Variants in RELB observed in about 807,000 individuals in gnomAD.
The protein encoded by RELB is transcription factor RelB.
In RELB, 14 loss-of-function variants were observed where a neutral mutation model predicts 55.4. The observed-to-expected ratio is 0.25, with a 90% confidence interval of 0.17 to 0.40. The LOEUF (loss-of-function observed/expected upper bound fraction) is 0.40, where lower values mean the gene tolerates loss of function less well. Among genes scored for constraint, RELB ranks in the 10% least tolerant of loss-of-function variants. The pLI, the probability that RELB is intolerant of heterozygous loss-of-function variation, is 1.00. For synonymous variants in RELB, 409 were observed against 371.3 expected (o/e 1.10, Z -1.17); for missense variants, 669 against 830.7 (o/e 0.81, Z 2.39).
In RELB at chr19:45,032,741, G is replaced by A. The variant is rs775189147; in HGVS notation, c.1199G>A (p.Arg400His). ...CCATTGCCTTTCACGTACCTGCCTC[G>A]CGACCATGGTAACTACAGCAACCCA... ...SEPLPFTYLP[R>H]DHDSYGVDKK... Residue 400 changes from arginine to histidine, a missense_variant, in exon 9 of 12, where the codon CGC becomes CAC. Around this residue, in one of 3 missense-constraint regions of RELB, gnomAD observed 341 missense variants for 436.8 expected, o/e 0.78. Coordinates refer to ENST00000221452, the MANE Select transcript of RELB (RefSeq NM_006509.4). 41 of 1,604,060 alleles carry A rather than the reference G, an allele frequency of 2.6e-5. No individual in the cohort carries two copies. The highest frequency in any genetic ancestry group is 3.0e-5 in the Non-Finnish European group (35 of 1,175,362).
At chr19:45,026,642 G>T (rs1444607325) in intron 7 of RELB, among the ~76,000 whole-genome samples, 1 of 152,144 alleles carries the variant, frequency 6.6e-6, no homozygotes, top group East Asian at 1.9e-4. Context: ...AAGGGAAGAG[G>T]CAGCATAAGT....
chr19:45,034,308 C>T lies in RELB; in HGVS notation c.1272C>T (p.Ser424=). 1 of 1,613,786 alleles carries T rather than the reference C, an allele frequency of 6.2e-7. No individual in the cohort carries two copies. ...CCGACGTCCTTGGGGAGCTGAACAGCTCTGGTGTGTGCCCTCTGCCCCTTT... is the reference window on the plus strand; with the variant it reads ...CCGACGTCCTTGGGGAGCTGAACAGTTCTGGTGTGTGCCCTCTGCCCCTTT... ...GMPDVLGELN[S]SDPHGIESKR... The change falls in exon 10 of 12, where the codon AGC becomes AGT. Residue 424 remains serine, a synonymous_variant. Coordinates refer to ENST00000221452, the MANE Select transcript of RELB (RefSeq NM_006509.4).
intron 5 of RELB, among the ~76,000 whole-genome samples, chr19:45,024,725 T>C: frequency 6.6e-6 from 1 of 151,572 alleles, no homozygotes; most frequent in Non-Finnish European, 1.5e-5. Context: ...AATTTTTGTA[T>C]TTTTAGTAGA....
intron 1 of RELB, 109 bp downstream of exon 1, chr19:45,001,794 G>T (rs554946000): frequency 3.1e-4 from 196 of 642,140 alleles, no homozygotes; most frequent in Non-Finnish European, 4.7e-4. Flanking sequence ...TAAGGGTTTC[G>T]CGGGGGCAGA....
intron 4 of RELB, among the ~76,000 whole-genome samples, chr19:45,016,164 T>C (rs1211596919): frequency 6.6e-6 from 1 of 152,038 alleles, no homozygotes; most frequent in African/African-American, 2.4e-5. Flanking sequence ...TTTGTGTTTT[T>C]AGTAGAGACG....
chr19:45,003,066 GTC>G lies in RELB; in HGVS notation c.154+74_154+75del. 1.7e-5 allele frequency: 25 copies of G among 1,444,532 alleles called. No homozygotes were observed. The South Asian group carries it at 2.5e-4, about 15-fold the overall frequency. 89.5% of individuals were successfully genotyped at this position (1,444,532 alleles called of 1,614,324 possible). A position where few individuals can be genotyped will look rare whatever the true frequency, so the allele number is the denominator to read the frequency against. ...GAGGTTGGGAGGACTCCACAGAGATGTCTCTGTTTGGGGGTTCACGAGGTCCA... is the reference window on the plus strand; with the variant it reads ...GAGGTTGGGAGGACTCCACAGAGATGTCTGTTTGGGGGTTCACGAGGTCCA... On this transcript the variant is annotated intron_variant, in intron 2 of 11. Transcript: ENST00000221452.
intron 2 of RELB, among the ~76,000 whole-genome samples, chr19:45,006,238 T>C (rs182170280): frequency 2.0e-5 from 3 of 152,250 alleles, no homozygotes; most frequent in Admixed American, 2.0e-4. Context: ...AGAGTCTCAT[T>C]CTGTCGCCTA....
chr19:45,031,159 G>A (rs184641453), intron 8 of RELB, among the ~76,000 whole-genome samples: 18 of 151,890 alleles, frequency 1.2e-4, no homozygotes, highest in African/African-American at 3.6e-4. Context: ...TGACTCTTCC[G>A]CTACCAGTTG....
intron 8 of RELB, among the ~76,000 whole-genome samples, chr19:45,029,385 C>T (rs1971594978): frequency 6.6e-6 from 1 of 152,196 alleles, no homozygotes; most frequent in East Asian, 1.9e-4. Flanking sequence ...TCATTCATCT[C>T]TGTTCAAATG....
At chr19:45,024,400 G>T (rs1336685881) in intron 5 of RELB, among the ~76,000 whole-genome samples, 4 of 151,958 alleles carry the variant, frequency 2.6e-5, no homozygotes, top group Non-Finnish European at 5.9e-5. Context: ...CTGACCTCCT[G>T]ATCTGCCCGT....
intron 2 of RELB, among the ~76,000 whole-genome samples, chr19:45,006,724 G>A (rs1971286379): frequency 6.6e-6 from 1 of 151,502 alleles, no homozygotes; most frequent in Non-Finnish European, 1.5e-5. Context: ...ACTTTGGGAG[G>A]CCGAGGTGGG....
chr19:45,024,607 T>C (rs1330600486), intron 5 of RELB, among the ~76,000 whole-genome samples: 1 of 152,126 alleles, frequency 6.6e-6, no homozygotes, highest in Non-Finnish European at 1.5e-5. Context: ...TGAAGTGCAG[T>C]GGCATGATCT....
chr19:45,022,292 G>A, intron 5 of RELB, 82 bp downstream of exon 5: 2 of 1,385,662 alleles, frequency 1.4e-6, no homozygotes, highest in Non-Finnish European at 2.0e-6. Context: ...AAACTTTAGA[G>A]CAGAGGGCAG....
intron 8 of RELB, 174 bp from the exon 9 acceptor site, chr19:45,032,360 A>G (rs1971633809): frequency 1.8e-6 from 1 of 567,576 alleles, no homozygotes; most frequent in Non-Finnish European, 3.2e-6. Context: ...CAGAGGTTGC[A>G]GTGAGCTGAG....
At chr19:45,032,444 A>T in intron 8 of RELB, 90 bp from the exon 9 acceptor site, 4 of 1,071,150 alleles carry the variant, frequency 3.7e-6, no homozygotes, top group Non-Finnish European at 4.1e-6. Flanking sequence ...AAGGGGGAAT[A>T]TTAGTCTTGA....
chr19:45,022,120 A>G lies in RELB; in HGVS notation c.572A>G (p.His191Arg). The change falls in exon 5 of 12, where the codon CAC (histidine) becomes CGC (arginine). Residue 191 changes from histidine (H) to arginine (R), a missense_variant. By Grantham distance (29) the His-to-Arg change is conservative. Coordinates refer to ENST00000221452, the MANE Select transcript of RELB (RefSeq NM_006509.4). The part of the protein sequence containing the change: ...TACLVWKDWP[H>R]RVHPHSLVGK... ...TGCCTGGTGTGGAAGGACTGGCCTC[A>G]CCGAGTCCACCCCCACAGCCTCGTG... 1 of 1,613,380 alleles carries G rather than the reference A, an allele frequency of 6.2e-7. No individual in the cohort carries two copies.
At chr19:45,029,499 G>T (rs1367172188) in intron 8 of RELB, among the ~76,000 whole-genome samples, 1 of 151,930 alleles carries the variant, frequency 6.6e-6, no homozygotes, top group Non-Finnish European at 1.5e-5. Flanking sequence ...GATCACTTGA[G>T]CTCAGGAGTT....
At chr19:45,017,164 G>C (rs1414697703) in intron 4 of RELB, among the ~76,000 whole-genome samples, 1 of 152,066 alleles carries the variant, frequency 6.6e-6, no homozygotes, top group Non-Finnish European at 1.5e-5. Flanking sequence ...TTGGGCTTTA[G>C]AAGTTCAGAG....
intron 4 of RELB, among the ~76,000 whole-genome samples, chr19:45,018,891 G>A (rs1971451955): frequency 6.6e-6 from 1 of 151,844 alleles, no homozygotes; most frequent in Non-Finnish European, 1.5e-5. Context: ...GGTCAGGCTG[G>A]TCTCGAATTC....
Sources: gnomAD v4.1 joint callset for allele counts (sites outside exome capture counted in the v4.1 genomes callset) on GRCh38, gnomAD v4.1.1 for gene constraint, gnomAD v4.1.1 regional missense constraint, MANE v1.5 for transcripts, NCBI Gene and HGNC (gene_info 2026-07-23, HGNC 2026-07-21) for gene names.